The following STXBP6 variants were observed in gnomAD, a reference collection of about 807,000 sequenced individuals.
STXBP6 encodes the protein syntaxin binding protein 6.
A neutral mutation model predicts 26.9 loss-of-function variants in STXBP6; 21 were observed. The ratio of observed to expected loss-of-function variants is 0.78; its 90% confidence interval spans 0.55 to 1.12. The LOEUF is 1.12. Among genes scored for constraint, STXBP6 ranks in the 50% most tolerant of loss-of-function variants. STXBP6 has a pLI of 0.00. For synonymous variants in STXBP6, 97 were observed against 92.6 expected (o/e 1.05, Z -0.27); for missense variants, 232 against 257.9 (o/e 0.90, Z 0.69).
At chr14:24,963,047 G>A (rs2073602888) in intron 2 of STXBP6, among the ~76,000 whole-genome samples, 1 of 152,252 alleles carries the variant, frequency 6.6e-6, no homozygotes, top group South Asian at 2.1e-4. Flanking sequence ...TATAAAACGG[G>A]AGAAGTATTA....
At chr14:24,870,272 A>G (rs529248951) in intron 2 of STXBP6, among the ~76,000 whole-genome samples, 1 of 152,268 alleles carries the variant, frequency 6.6e-6, no homozygotes, top group East Asian at 1.9e-4. Context: ...AAATATGTGA[A>G]GTCCCTAGAT....
intron 4 of STXBP6, among the ~76,000 whole-genome samples, chr14:24,846,711 G>A (rs1379704889): frequency 6.6e-6 from 1 of 152,098 alleles, no homozygotes; most frequent in Non-Finnish European, 1.5e-5. Flanking sequence ...ACCTAGTCCT[G>A]GGTAGGTACA....
At chr14:24,851,665 T>C (rs549190471) in intron 4 of STXBP6, among the ~76,000 whole-genome samples, 1 of 152,028 alleles carries the variant, frequency 6.6e-6, no homozygotes, top group African/African-American at 2.4e-5. Flanking sequence ...CTGTTTACAA[T>C]AAACACAGAG....
At chr14:24,990,887 G>C (rs1307582732) in intron 1 of STXBP6, among the ~76,000 whole-genome samples, 1 of 151,708 alleles carries the variant, frequency 6.6e-6, no homozygotes, top group African/African-American at 2.4e-5. Flanking sequence ...AAGAGGCAGA[G>C]AGGGGACAGG....
chr14:24,974,673 C>T lies in STXBP6; in HGVS notation c.146G>A (p.Cys49Tyr). The T allele has an allele frequency of 6.5e-7, 1 of 1,549,722 alleles. No individual in the cohort carries two copies. Among genetic ancestry groups the T allele is most frequent in the Non-Finnish European group, 8.7e-7 (1 of 1,145,794 alleles). The change falls in exon 2 of 6, where the codon TGC (cysteine) becomes TAC (tyrosine). Residue 49 changes from cysteine to tyrosine, a missense_variant. Physicochemically the swap from Cys to Tyr is radical, Grantham distance 194. Transcript: ENST00000323944. ...TATCTGGTTCTCATTACCTGACAGG[C>T]AGATATAAGTTAAATATTCGCCTTG... is the stretch of plus-strand genomic sequence containing the variant. Reference protein sequence around the residue: ...GGQGEYLTYICLSVTNKKPTQ... With the variant: ...GGQGEYLTYIYLSVTNKKPTQ...
chr14:24,820,110 C>G (rs150540664), intron 4 of STXBP6, among the ~76,000 whole-genome samples: 34 of 152,266 alleles, frequency 2.2e-4, no homozygotes, highest in African/African-American at 7.9e-4. Context: ...AAAATGACAA[C>G]CAAAGGAAAT....
chr14:24,857,286 G>A (rs939320752), intron 2 of STXBP6, 129 bp from the exon 3 acceptor site: 1 of 1,211,200 alleles, frequency 8.3e-7, no homozygotes, highest in African/African-American at 1.5e-5. Flanking sequence ...AGGGGGAAAG[G>A]AGGGAATATG....
intron 2 of STXBP6, among the ~76,000 whole-genome samples, chr14:24,950,553 T>C (rs1009915715): frequency 1.3e-5 from 2 of 151,926 alleles, no homozygotes; most frequent in Non-Finnish European, 2.9e-5. Flanking sequence ...TCACAAACAA[T>C]AGCGAGAGGG....
At chr14:24,899,799 A>AAT (rs1555323348) in intron 2 of STXBP6, among the ~76,000 whole-genome samples, 84 of 95,166 alleles carry the variant, frequency 8.8e-4, no homozygotes, top group African/African-American at 3.3e-3. Flanking sequence ...AAAAAAAAAA[A>AAT]GCAAAAAAAA....
At chr14:24,839,854 C>CAGTAGGA (rs1313187710) in intron 4 of STXBP6, among the ~76,000 whole-genome samples, 97 of 152,260 alleles carry the variant, frequency 6.4e-4, no homozygotes, top group African/African-American at 2.3e-3. Flanking sequence ...AATTAGAATT[C>CAGTAGGA]TTGCTACTGA....
At chr14:25,034,280 G>A (rs576396654) in intron 1 of STXBP6, among the ~76,000 whole-genome samples, 3 of 152,196 alleles carry the variant, frequency 2.0e-5, no homozygotes, top group Non-Finnish European at 4.4e-5. Context: ...TCCCTCTGTG[G>A]AGGCCTTTCC....
chr14:24,961,772 C>T (rs1173274386), intron 2 of STXBP6, among the ~76,000 whole-genome samples: 1 of 151,930 alleles, frequency 6.6e-6, no homozygotes, highest in South Asian at 2.1e-4. Context: ...AACAAACCTG[C>T]ACGTGTACCC....
chr14:24,918,585 T>C (rs938371480), intron 2 of STXBP6, among the ~76,000 whole-genome samples: 1 of 151,804 alleles, frequency 6.6e-6, no homozygotes, highest in Non-Finnish European at 1.5e-5. Flanking sequence ...AATAAAATAC[T>C]GTAGAATTGG....
intron 1 of STXBP6, among the ~76,000 whole-genome samples, chr14:24,989,878 T>C (rs1169135476): frequency 6.6e-6 from 1 of 152,224 alleles, no homozygotes; most frequent in Non-Finnish European, 1.5e-5. Flanking sequence ...AAGATACGCC[T>C]CACCTTTATA....
intron 1 of STXBP6, among the ~76,000 whole-genome samples, chr14:25,021,662 T>G (rs73595341): frequency 0.32 from 47,881 of 151,950 alleles, 9,101 homozygotes; most frequent in African/African-American, 0.54. Context: ...CCTTACCTTG[T>G]CCTCCATGAC....
chr14:24,878,770 C>T (rs1179033712), intron 2 of STXBP6: 2 of 452,468 alleles, frequency 4.4e-6, no homozygotes, highest in Non-Finnish European at 8.9e-6. Context: ...GGTCTTCTCT[C>T]TAAAATTCAC....
At chr14:24,997,351 C>T (rs1203959802) in intron 1 of STXBP6, among the ~76,000 whole-genome samples, 2 of 152,186 alleles carry the variant, frequency 1.3e-5, no homozygotes, top group Non-Finnish European at 2.9e-5. Context: ...CATCAAATAC[C>T]AAATCAAGCA....
At chr14:24,984,191 G>A (rs11849185) in intron 1 of STXBP6, among the ~76,000 whole-genome samples, 17,211 of 151,992 alleles carry the variant, frequency 0.11, 1,055 homozygotes, top group African/African-American at 0.14. Flanking sequence ...GAGATCGTGC[G>A]ACTGCACTCC....
chr14:25,039,832 G>A lies in STXBP6; in HGVS notation c.-33+10046C>T, dbSNP rs1048424960. On this transcript the variant is annotated intron_variant, in intron 1 of 5. Coordinates refer to ENST00000323944, the MANE Select transcript of STXBP6 (RefSeq NM_001394410.1). ...AGCAATTCTCATGCCTCAGCCTCCCGAGTAGCTGGGATTACAGGCGCCTGC... is the reference window on the plus strand; with the variant it reads ...AGCAATTCTCATGCCTCAGCCTCCCAAGTAGCTGGGATTACAGGCGCCTGC... Among the ~76,000 whole-genome samples the A allele has an allele frequency of 4.0e-5, 6 of 151,740 alleles. No individual in the cohort carries two copies. In the East Asian group the frequency reaches 1.2e-3, roughly 30 times the overall value.
Sources: allele counts gnomAD v4.1 joint callset (sites outside exome capture counted in the v4.1 genomes callset), GRCh38; gene constraint gnomAD v4.1.1; transcripts MANE v1.5; gene names NCBI Gene and HGNC (gene_info 2026-07-23, HGNC 2026-07-21).